CSMD2: variants seen among roughly 807,000 people sequenced by gnomAD.
The protein encoded by CSMD2 is CUB and Sushi multiple domains 2, also known as CUB and sushi domain-containing protein 2.
In CSMD2, 130 loss-of-function variants were observed where a neutral mutation model predicts 398.5. The observed-to-expected ratio is 0.33, with a 90% CI of 0.28 to 0.38. CSMD2 has a LOEUF of 0.38. Ranked by LOEUF, CSMD2 falls within the 10% of genes least tolerant of loss-of-function variation. The pLI, the probability that CSMD2 is intolerant of heterozygous loss-of-function variation, is 1.00. For synonymous variants in CSMD2, 1,828 were observed against 1,908.5 expected, an observed-to-expected ratio of 0.96 and a Z score of 1.10; for missense variants, 3,829 against 4,764.9, an observed-to-expected ratio of 0.80 and a Z score of 5.78.
intron 44 of CSMD2, chr1:33,599,950 G>A (rs1246869222): frequency 3.4e-6 from 2 of 592,906 alleles, no homozygotes; most frequent in African/African-American, 3.7e-5. Context: ...TACTGCAGCA[G>A]ATACTGCGGA....
chr1:33,798,640 A>T (rs1470803860), intron 10 of CSMD2, among the ~76,000 whole-genome samples: 3 of 152,250 alleles, frequency 2.0e-5, no homozygotes, highest in Non-Finnish European at 2.9e-5. Flanking sequence ...TCTGGACTTC[A>T]TGGTCAAGTC....
In CSMD2 at chr1:33,829,580, C is replaced by T. The variant is rs889698074; in HGVS notation, c.1034-3806G>A. Among the ~76,000 whole-genome samples the T allele has an allele frequency of 1.4e-4, 21 of 152,282 alleles. No individual in the cohort carries two copies. In the South Asian group the frequency reaches 2.5e-3, roughly 18 times the overall value. On this transcript the variant is annotated intron_variant, in intron 6 of 70. Transcript: ENST00000373381. ...AGTCTACAGCTCCCAGCGTGAGCGA[C>T]GCAGAAGAAGGGTGATTTCTGCATT...
At chr1:33,697,855 T>C (rs1645472014) in intron 24 of CSMD2, among the ~76,000 whole-genome samples, 1 of 152,244 alleles carries the variant, frequency 6.6e-6, no homozygotes, top group African/African-American at 2.4e-5. Flanking sequence ...CCTCCACAAA[T>C]ACCCAGACAT....
intron 12 of CSMD2, among the ~76,000 whole-genome samples, chr1:33,777,907 G>C (rs1162024537): frequency 6.6e-6 from 1 of 152,170 alleles, no homozygotes; most frequent in Non-Finnish European, 1.5e-5. Flanking sequence ...ACTGTATCAT[G>C]TGGTTCTGTA....
At position 33,533,034 on chromosome 1, in the gene CSMD2, G is replaced by A. The variant is rs1044263131; in HGVS notation, c.10171+16C>T. 5.7e-6 allele frequency: 9 copies of A among 1,590,444 alleles called. No homozygotes were observed. The East Asian group carries it at 9.0e-5, about 16-fold the overall frequency. On this transcript the variant is annotated intron_variant, in intron 64 of 70. Transcript: ENST00000373381. This position sits in a 1 kb window ranked among gnomAD's most constrained non-coding sequence, Gnocchi z 4.2. ...GCCTCCCGCCCTGGAGAGCTTCCCC[G>A]AGCAGGCACACTCACCCAGGCAGAT... is the stretch of plus-strand genomic sequence containing the variant.
chr1:33,650,285 A>G (rs1557676089), intron 28 of CSMD2, among the ~76,000 whole-genome samples: 1 of 152,220 alleles, frequency 6.6e-6, no homozygotes, highest in South Asian at 2.1e-4. Context: ...CAACAACAAA[A>G]TAATGTATGA....
intron 5 of CSMD2, among the ~76,000 whole-genome samples, chr1:33,889,129 A>G (rs1641810031): frequency 6.6e-6 from 1 of 152,210 alleles, no homozygotes; most frequent in Admixed American, 6.5e-5. Flanking sequence ...AGAGACAACA[A>G]AGTAAGGCTA....
At chr1:34,092,549 G>A (rs958214810) in intron 1 of CSMD2, among the ~76,000 whole-genome samples, 26 of 152,128 alleles carry the variant, frequency 1.7e-4, no homozygotes, top group East Asian at 1.9e-4. Context: ...CAGTGGGTGC[G>A]CGCACCGTGC....
chr1:33,984,527 C>T (rs1646282140), intron 3 of CSMD2, among the ~76,000 whole-genome samples: 1 of 152,186 alleles, frequency 6.6e-6, no homozygotes, highest in Non-Finnish European at 1.5e-5. Flanking sequence ...GGTCTGGGTG[C>T]AGTGGCTCAC....
chr1:33,931,907 C>T (rs1644324957), intron 4 of CSMD2, among the ~76,000 whole-genome samples: 1 of 152,182 alleles, frequency 6.6e-6, no homozygotes, highest in Admixed American at 6.5e-5. Context: ...AACTGGGGCA[C>T]ACCTGCCTAC....
rs552639196 is a variant in CSMD2, at chr1:33,679,819, A to T, written c.4052+13111T>A. Among the ~76,000 whole-genome samples, 8 of 152,192 alleles carry T rather than the reference A, an allele frequency of 5.3e-5. 1 individual carries two copies. The South Asian group carries it at 1.7e-3, about 32-fold the overall frequency. ...TTTATGTTTTCTCATTAGGTTACTT[A>T]GTGCAGATTCATGACTGTTAGCATT... On this transcript the variant is annotated intron_variant, in intron 25 of 70. Transcript: ENST00000373381.
chr1:34,086,235 G>A (rs1479151568), intron 2 of CSMD2, among the ~76,000 whole-genome samples: 1 of 151,976 alleles, frequency 6.6e-6, no homozygotes, highest in Non-Finnish European at 1.5e-5. Context: ...TTCATCAAAA[G>A]TCTACACAGG....
intron 4 of CSMD2, among the ~76,000 whole-genome samples, chr1:33,929,005 G>A (rs1377666589): frequency 6.6e-6 from 1 of 152,120 alleles, no homozygotes; most frequent in African/African-American, 2.4e-5. Flanking sequence ...CGTCTCAAAC[G>A]TTACCTGGAC....
At position 33,523,300 on chromosome 1, in the gene CSMD2, A is replaced by G; in HGVS notation, c.10509+7T>C. The G allele has an allele frequency of 2.9e-6, 4 of 1,399,530 alleles. No homozygotes were observed. The highest frequency in any genetic ancestry group is 4.1e-6 in the Non-Finnish European group (4 of 986,540). 86.7% of individuals were successfully genotyped at this position (1,399,530 alleles called of 1,614,324 possible). On this transcript the variant is annotated splice_region_variant and intron_variant, in intron 67 of 70. Coordinates refer to ENST00000373381, the MANE Select transcript of CSMD2 (RefSeq NM_001281956.2). ...GTCAGGGGAGGAGGTGAGTTTGCTG[A>G]ACTTACATGGCCATCTAAAGCCCAG...
rs559014907 is a variant in CSMD2, at chr1:33,762,696, T to G, written c.1846+9873A>C. Among the ~76,000 whole-genome samples, 16 of 151,744 alleles carry G rather than the reference T, an allele frequency of 1.1e-4. No individual in the cohort carries two copies. In the South Asian group the frequency reaches 3.4e-3, roughly 32 times the overall value. Reference sequence around the variant, plus strand: ...TCTGCCAGTTGGAATGAATTTTTCTTCCTCTACATTCTGGTAGCACTTTGT... The same window carrying G: ...TCTGCCAGTTGGAATGAATTTTTCTGCCTCTACATTCTGGTAGCACTTTGT... On this transcript the variant is annotated intron_variant, in intron 13 of 70. Coordinates refer to ENST00000373381, the MANE Select transcript of CSMD2 (RefSeq NM_001281956.2).
At chr1:33,599,835 T>A in intron 44 of CSMD2, 1 of 285,574 alleles carries the variant, frequency 3.5e-6, no homozygotes, top group Non-Finnish European at 6.5e-6. Context: ...CTCTGTTGCT[T>A]CCTGTTTCTT....
At chr1:33,974,448 T>C (rs527581132) in intron 3 of CSMD2, among the ~76,000 whole-genome samples, 23 of 152,372 alleles carry the variant, frequency 1.5e-4, no homozygotes, top group African/African-American at 5.5e-4. Context: ...TCAGGCTGTC[T>C]GTCCCCAAGG....
chr1:34,080,499 A>G (rs1313159942), intron 2 of CSMD2, among the ~76,000 whole-genome samples: 1 of 152,268 alleles, frequency 6.6e-6, no homozygotes, highest in Non-Finnish European at 1.5e-5. Context: ...AATTCTCCAA[A>G]GTAGAAATCA....
chr1:33,800,100 TC>T (rs1197369426), intron 10 of CSMD2, among the ~76,000 whole-genome samples: 1 of 152,192 alleles, frequency 6.6e-6, no homozygotes, highest in Non-Finnish European at 1.5e-5. Flanking sequence ...ATATTTCTCC[TC>T]AGAGCATTTC....
Sources: gnomAD v4.1 joint callset for allele counts (sites outside exome capture counted in the v4.1 genomes callset) on GRCh38, gnomAD v4.1.1 for gene constraint, Gnocchi (gnomAD v3.1) non-coding constraint, MANE v1.5 for transcripts, NCBI Gene and HGNC (gene_info 2026-07-23, HGNC 2026-07-21) for gene names.